Variants in XYLT1 observed in about 807,000 individuals in gnomAD.
The protein encoded by XYLT1 is xylosyltransferase 1, also known as beta-D-xylosyltransferase 1.
XYLT1 carries 36 observed loss-of-function variants against 91.3 expected under a neutral mutation model. The ratio of observed to expected loss-of-function variants is 0.39; its 90% CI spans 0.30 to 0.52. The LOEUF (loss-of-function observed/expected upper bound fraction) is 0.52. XYLT1 is among the 20% of genes least tolerant of loss of function. The pLI is 0.68. For missense variants in XYLT1, 1,242 were observed against 1,284.5 expected (o/e 0.97, Z 0.51); for synonymous variants, 588 against 532.0 (o/e 1.11, Z -1.45).
At chr16:17,234,845 TGTTA>T (rs1254733977) in intron 3 of XYLT1, among the ~76,000 whole-genome samples, 1 of 152,168 alleles carries the variant, frequency 6.6e-6, no homozygotes, top group African/African-American at 2.4e-5. Context: ...TGCAAGACTG[TGTTA>T]GTTATTATCC....
chr16:17,327,807 GAGCCAAAC>G (rs1459476060), intron 2 of XYLT1, among the ~76,000 whole-genome samples: 2 of 152,030 alleles, frequency 1.3e-5, no homozygotes, highest in Non-Finnish European at 2.9e-5. Context: ...CCATCGCGGT[GAGCCAAAC>G]TCAGTCAACC....
intron 2 of XYLT1, among the ~76,000 whole-genome samples, chr16:17,351,143 G>A (rs74013028): frequency 0.043 from 6,518 of 152,204 alleles, 495 homozygotes; most frequent in African/African-American, 0.15. Flanking sequence ...TTAAACACAT[G>A]ATGTACATGT....
chr16:17,170,864 G>A (rs1437698616), intron 5 of XYLT1, among the ~76,000 whole-genome samples: 1 of 152,328 alleles, frequency 6.6e-6, no homozygotes, highest in African/African-American at 2.4e-5. Context: ...TGACATCAGA[G>A]AAATGTAGGT....
chr16:17,240,367 G>A (rs149035353), intron 3 of XYLT1, among the ~76,000 whole-genome samples: 1 of 152,198 alleles, frequency 6.6e-6, no homozygotes, highest in African/African-American at 2.4e-5. Flanking sequence ...TCCTTGGCAA[G>A]TCTTCAGCAG....
At position 17,160,582 on chromosome 16, in the gene XYLT1, G is replaced by T. The variant is rs1314443684; in HGVS notation, c.1290-1673C>A. Among the ~76,000 whole-genome samples, 3 of 152,300 alleles carry T rather than the reference G, an allele frequency of 2.0e-5. No homozygotes were observed. The South Asian group carries it at 6.2e-4, about 32-fold the overall frequency. On this transcript the variant is annotated intron_variant, in intron 5 of 11. Transcript: ENST00000261381. ...GCCATTCTAGCAGCGGCAGGCACCA[G>T]AAACACCCCGTGTGTCTGCAGGGAG...
chr16:17,325,999 C>T (rs1160679867), intron 2 of XYLT1, among the ~76,000 whole-genome samples: 1 of 152,138 alleles, frequency 6.6e-6, no homozygotes, highest in Non-Finnish European at 1.5e-5. Flanking sequence ...TTTCAAACAG[C>T]TTTACTGAGG....
chr16:17,349,714 A>G (rs1193784552), intron 2 of XYLT1, among the ~76,000 whole-genome samples: 1 of 151,174 alleles, frequency 6.6e-6, no homozygotes, highest in Non-Finnish European at 1.5e-5. Context: ...AATGCAAATG[A>G]GCAAATCCAT....
chr16:17,330,087 C>T (rs1455113493), intron 2 of XYLT1, among the ~76,000 whole-genome samples: 1 of 119,584 alleles, frequency 8.4e-6, no homozygotes, highest in Admixed American at 9.7e-5. Context: ...TCTATATGCA[C>T]CACATATGGA....
intron 1 of XYLT1, among the ~76,000 whole-genome samples, chr16:17,455,520 G>A (rs2036728637): frequency 6.6e-6 from 1 of 152,038 alleles, no homozygotes; most frequent in South Asian, 2.1e-4. Context: ...GGAGGCCTAG[G>A]TGGGCGAATC....
At chr16:17,216,737 G>A (rs997540065) in intron 3 of XYLT1, among the ~76,000 whole-genome samples, 3 of 152,178 alleles carry the variant, frequency 2.0e-5, no homozygotes, top group African/African-American at 7.2e-5. Flanking sequence ...CAGAAAGAGT[G>A]TAATCTGCCC....
intron 1 of XYLT1, among the ~76,000 whole-genome samples, chr16:17,370,330 AC>A: frequency 6.6e-6 from 1 of 152,308 alleles, no homozygotes; most frequent in African/African-American, 2.4e-5. Flanking sequence ...AAAGCTTACA[AC>A]GATCCGCTTT....
At chr16:17,311,842 A>G (rs1157365993) in intron 2 of XYLT1, among the ~76,000 whole-genome samples, 1 of 146,264 alleles carries the variant, frequency 6.8e-6, no homozygotes, top group East Asian at 2.0e-4. Flanking sequence ...AGCAGGCAAA[A>G]GGAAAATGAG....
chr16:17,466,050 G>A (rs376594598), intron 1 of XYLT1, among the ~76,000 whole-genome samples: 8 of 152,158 alleles, frequency 5.3e-5, no homozygotes, highest in East Asian at 1.9e-4. Flanking sequence ...TTGTTGGGAC[G>A]TTTTCTCCTG....
chr16:17,323,106 C>T (rs957969578), intron 2 of XYLT1, among the ~76,000 whole-genome samples: 2 of 152,342 alleles, frequency 1.3e-5, no homozygotes, highest in East Asian at 3.9e-4. Flanking sequence ...GCCATGGAGG[C>T]CATAAACCAA....
At chr16:17,367,939 G>T (rs191272756) in intron 1 of XYLT1, among the ~76,000 whole-genome samples, 1 of 152,102 alleles carries the variant, frequency 6.6e-6, no homozygotes, top group East Asian at 1.9e-4. Flanking sequence ...ACCAAATCTG[G>T]AGTTCATCCC....
intron 11 of XYLT1, among the ~76,000 whole-genome samples, chr16:17,115,046 G>T (rs553509698): frequency 6.6e-6 from 1 of 152,020 alleles, no homozygotes; most frequent in African/African-American, 2.4e-5. Flanking sequence ...GGGTTTCACT[G>T]TGTTAGCCAG....
At chr16:17,290,020 A>AT (rs992376017) in intron 2 of XYLT1, among the ~76,000 whole-genome samples, 1 of 152,230 alleles carries the variant, frequency 6.6e-6, no homozygotes, top group Non-Finnish European at 1.5e-5. Context: ...AATAGATTTC[A>AT]TTTTTTCCAT....
intron 2 of XYLT1, among the ~76,000 whole-genome samples, chr16:17,269,811 T>A (rs1053766328): frequency 1.3e-5 from 2 of 149,872 alleles, no homozygotes; most frequent in Non-Finnish European, 3.0e-5. Flanking sequence ...ATTATTATTA[T>A]TATTATTATC....
chr16:17,146,870 A>G (rs1319066285), intron 6 of XYLT1, among the ~76,000 whole-genome samples: 1 of 152,220 alleles, frequency 6.6e-6, no homozygotes, highest in Non-Finnish European at 1.5e-5. Context: ...AGAACCAATC[A>G]AAAGACCCAG....
Sources: allele counts gnomAD v4.1 joint callset (sites outside exome capture counted in the v4.1 genomes callset), GRCh38; gene constraint gnomAD v4.1.1; transcripts MANE v1.5; gene names NCBI Gene and HGNC (gene_info 2026-07-23, HGNC 2026-07-21).